ANKDD1B: variants seen among roughly 807,000 people sequenced by gnomAD.
ANKDD1B encodes the protein ankyrin repeat and death domain-containing protein 1B.
In ANKDD1B, 57 loss-of-function variants were observed where a neutral mutation model predicts 59.7. The ratio of observed to expected loss-of-function variants is 0.95; its 90% CI spans 0.77 to 1.19. The LOEUF is 1.19. ANKDD1B is among the 50% of genes most tolerant of loss of function. The pLI, the probability that ANKDD1B is intolerant of heterozygous loss-of-function variation, is 0.00. For synonymous variants in ANKDD1B, 216 were observed against 239.5 expected (o/e 0.90, Z 0.91); for missense variants, 602 against 641.9 (o/e 0.94, Z 0.67).
chr5:75,650,588 C>A (rs1774803254), intron 7 of ANKDD1B, among the ~76,000 whole-genome samples: 1 of 152,126 alleles, frequency 6.6e-6, no homozygotes, highest in Non-Finnish European at 1.5e-5. Flanking sequence ...CAATAGAAAA[C>A]TAATATAGGG....
At chr5:75,660,677 C>G (rs1775112093) in intron 10 of ANKDD1B, among the ~76,000 whole-genome samples, 1 of 152,200 alleles carries the variant, frequency 6.6e-6, no homozygotes, top group South Asian at 2.1e-4. Context: ...TGGGTACAGT[C>G]CTGTCAGGTG....
intron 9 of ANKDD1B, among the ~76,000 whole-genome samples, chr5:75,657,002 T>C (rs998829342): frequency 1.3e-5 from 2 of 152,248 alleles, no homozygotes; most frequent in Non-Finnish European, 2.9e-5. Context: ...TTCGGTCCCT[T>C]CTCTCCTCCA....
intron 1 of ANKDD1B, among the ~76,000 whole-genome samples, chr5:75,612,439 C>A (rs1773594890): frequency 1.4e-5 from 2 of 143,568 alleles, no homozygotes; most frequent in South Asian, 4.6e-4. Flanking sequence ...AGGTGATCCT[C>A]CCACCTCAGC....
chr5:75,655,153 A>G (rs1196444781), intron 8 of ANKDD1B, among the ~76,000 whole-genome samples: 1 of 152,118 alleles, frequency 6.6e-6, no homozygotes, highest in East Asian at 1.9e-4. Context: ...CCTGGAGGCA[A>G]AGTGTCGGGG....
rs1250190839 is a variant in ANKDD1B, at chr5:75,611,611, C to A, written c.-24C>A. On this transcript the variant is annotated 5_prime_UTR_variant, in exon 1 of 14. Transcript: ENST00000601380. ...GGGTCCGAGTCTGGGTCTGGCCCTG[C>A]GCTCAGGGCCCGCGGAGGAGACTAT... The A allele has an allele frequency of 4.1e-6, 5 of 1,229,094 alleles. No homozygotes were observed. The highest frequency in any genetic ancestry group is 5.1e-6 in the Non-Finnish European group (5 of 986,310). The allele number at this position is 1,229,094 out of a possible 1,614,324, so 76.1% of individuals were successfully genotyped here. A position where few individuals can be genotyped will look rare whatever the true frequency, so the allele number is the denominator to read the frequency against.
chr5:75,611,687 T>C lies in ANKDD1B; in HGVS notation c.53T>C (p.Leu18Pro). 3 of 1,227,348 alleles carry C rather than the reference T, an allele frequency of 2.4e-6. No individual in the cohort carries two copies. Among genetic ancestry groups the C allele is most frequent in the Non-Finnish European group, 3.0e-6 (3 of 987,948 alleles). The allele number at this position is 1,227,348 out of a possible 1,614,324, so 76.0% of individuals were successfully genotyped here. Residue 18 changes from leucine to proline, a missense_variant, in exon 1 of 14, where the codon CTG becomes CCG. Leu to Pro is a moderately conservative substitution (Grantham distance 98, BLOSUM62 -3). Around this residue, in one of 3 missense-constraint regions of ANKDD1B, gnomAD observed 317 missense variants for 304.6 expected, o/e 1.04. Coordinates refer to ENST00000601380, the MANE Select transcript of ANKDD1B (RefSeq NM_001276713.2). ...RGQGATAGGL[L>P]LRAAAAAKGL... ...CAAGGGGCCACGGCAGGGGGGCTGC[T>C]GCTCCGGGCTGCTGCGGCCGCCAAG...
intron 5 of ANKDD1B, among the ~76,000 whole-genome samples, chr5:75,630,526 T>C (rs1774122890): frequency 6.6e-6 from 1 of 152,246 alleles, no homozygotes; most frequent in Non-Finnish European, 1.5e-5. Flanking sequence ...GAACCTCCCA[T>C]CTCTTAGCAG....
intron 7 of ANKDD1B, among the ~76,000 whole-genome samples, chr5:75,649,772 A>G (rs1056755503): frequency 3.3e-5 from 5 of 152,220 alleles, no homozygotes; most frequent in African/African-American, 4.8e-5. Context: ...AGAACTTACA[A>G]CTAGCTGATG....
At chr5:75,614,711 A>C (rs1240818054) in intron 1 of ANKDD1B, among the ~76,000 whole-genome samples, 2 of 152,208 alleles carry the variant, frequency 1.3e-5, no homozygotes, top group Non-Finnish European at 2.9e-5. Flanking sequence ...CACCTCAACT[A>C]TCCAGGCTGG....
chr5:75,639,218 C>T (rs533430106), intron 7 of ANKDD1B, among the ~76,000 whole-genome samples: 3 of 152,170 alleles, frequency 2.0e-5, no homozygotes, highest in Admixed American at 6.5e-5. Flanking sequence ...TTTTTTGAGA[C>T]GAAGCTTCAC....
At chr5:75,616,952 G>T in intron 2 of ANKDD1B, 45 bp downstream of exon 2, 1 of 892,144 alleles carries the variant, frequency 1.1e-6, no homozygotes, top group South Asian at 1.6e-5. Context: ...TCCAGTAATG[G>T]CTTGGATTTA....
intron 4 of ANKDD1B, 45 bp downstream of exon 4, chr5:75,625,790 T>C: frequency 2.6e-6 from 4 of 1,528,186 alleles, no homozygotes; most frequent in Non-Finnish European, 3.5e-6. Context: ...TACCTCACCA[T>C]TGCAGGAGAG....
At chr5:75,651,247 T>C (rs1268496452) in intron 7 of ANKDD1B, among the ~76,000 whole-genome samples, 1 of 152,196 alleles carries the variant, frequency 6.6e-6, no homozygotes, top group Non-Finnish European at 1.5e-5. Flanking sequence ...GGACAGGAGA[T>C]ACTGATGCAG....
intron 3 of ANKDD1B, among the ~76,000 whole-genome samples, chr5:75,623,163 C>T (rs1222958047): frequency 6.6e-6 from 1 of 152,112 alleles, no homozygotes; most frequent in African/African-American, 2.4e-5. Flanking sequence ...GCCGCAACCT[C>T]CTCTTCCCAG....
intron 5 of ANKDD1B, 104 bp downstream of exon 5, chr5:75,626,059 G>A (rs1462853135): frequency 3.8e-5 from 30 of 789,382 alleles, no homozygotes; most frequent in Middle Eastern, 3.4e-4. Context: ...AGACAGACCC[G>A]GCCCTGTAGC....
At chr5:75,615,399 G>A (rs1255050134) in intron 1 of ANKDD1B, among the ~76,000 whole-genome samples, 3 of 152,120 alleles carry the variant, frequency 2.0e-5, no homozygotes, top group Non-Finnish European at 4.4e-5. Flanking sequence ...GGAGGTTGAA[G>A]TCACCTAGAA....
chr5:75,670,212 A>G, intron 13 of ANKDD1B, among the ~76,000 whole-genome samples: 1 of 152,196 alleles, frequency 6.6e-6, no homozygotes, highest in East Asian at 1.9e-4. Context: ...TTTACCCTGA[A>G]AAAACTTTGC....
At chr5:75,630,735 A>G (rs1041972277) in intron 5 of ANKDD1B, among the ~76,000 whole-genome samples, 2 of 152,278 alleles carry the variant, frequency 1.3e-5, no homozygotes, top group Non-Finnish European at 2.9e-5. Flanking sequence ...GTAATTTATT[A>G]ACTTCGAACT....
In ANKDD1B at chr5:75,635,886, T is replaced by C. The variant is rs1391923579; in HGVS notation, c.798+4T>C. 16 of 1,511,822 alleles carry C rather than the reference T, an allele frequency of 1.1e-5. No homozygotes were observed. The East Asian group carries it at 3.5e-4, about 33-fold the overall frequency. The allele number at this position is 1,511,822 out of a possible 1,614,324, so 93.7% of individuals were successfully genotyped here. A position where few individuals can be genotyped will look rare whatever the true frequency, so the allele number is the denominator to read the frequency against. ...AGACATAAATGAGATGAATGAGGTA[T>C]GTGGAAGTGCTCGTTATTGCCATAG... On this transcript the variant is annotated splice_donor_region_variant and intron_variant, in intron 7 of 13. Transcript: ENST00000601380.
Sources: gnomAD v4.1 joint callset for allele counts (sites outside exome capture counted in the v4.1 genomes callset) on GRCh38, gnomAD v4.1.1 for gene constraint, gnomAD v4.1.1 regional missense constraint, MANE v1.5 for transcripts, NCBI Gene and HGNC (gene_info 2026-07-23, HGNC 2026-07-21) for gene names.